Variants in POU6F2 observed in about 807,000 individuals in gnomAD.
The protein encoded by POU6F2 is POU class 6 homeobox 2, also known as POU domain, class 6, transcription factor 2.
Under a neutral mutation model 71.3 loss-of-function variants are expected in POU6F2, and 31 were observed. That is an observed-to-expected ratio of 0.43 (90% CI 0.33 to 0.59). The LOEUF (loss-of-function observed/expected upper bound fraction) is 0.59. Among genes scored for constraint, POU6F2 ranks in the 20% least tolerant of loss-of-function variants. The pLI is 0.04. For synonymous variants in POU6F2, 347 were observed against 355.7 expected (o/e 0.98, Z 0.27); for missense variants, 783 against 856.8 (o/e 0.91, Z 1.07).
chr7:39,079,625 C>T (rs528810020), intron 1 of POU6F2, among the ~76,000 whole-genome samples: 6 of 152,176 alleles, frequency 3.9e-5, no homozygotes, highest in Admixed American at 2.0e-4. Context: ...CACTGTTAAA[C>T]GCAGCATTTA....
At chr7:39,188,395 T>A (rs2128742773) in intron 2 of POU6F2, among the ~76,000 whole-genome samples, 1 of 152,208 alleles carries the variant, frequency 6.6e-6, no homozygotes, top group East Asian at 1.9e-4. Context: ...TCACTACAAC[T>A]TCCGCCTCCT....
intron 4 of POU6F2, among the ~76,000 whole-genome samples, chr7:39,331,656 C>T (rs935154190): frequency 1.5e-4 from 23 of 152,076 alleles, no homozygotes; most frequent in African/African-American, 4.3e-4. Flanking sequence ...TACAGGCACA[C>T]GCCACCACGC....
At chr7:39,005,720 G>C (rs1391532834) in intron 1 of POU6F2, among the ~76,000 whole-genome samples, 1 of 152,044 alleles carries the variant, frequency 6.6e-6, no homozygotes, top group Non-Finnish European at 1.5e-5. Context: ...GTTTGGGTTT[G>C]AGTTTTGAGA....
chr7:39,247,716 A>G (rs1783845978), intron 4 of POU6F2, among the ~76,000 whole-genome samples: 1 of 152,174 alleles, frequency 6.6e-6, no homozygotes, highest in Non-Finnish European at 1.5e-5. Flanking sequence ...CACTTTCATA[A>G]GAGACCATGA....
chr7:39,088,912 C>T (rs941502767), intron 2 of POU6F2, among the ~76,000 whole-genome samples: 17 of 152,152 alleles, frequency 1.1e-4, no homozygotes, highest in Non-Finnish European at 1.6e-4. Context: ...AATACTGATG[C>T]CCTCTATGGA....
chr7:39,259,530 C>T (rs928451353), intron 4 of POU6F2, among the ~76,000 whole-genome samples: 5 of 152,138 alleles, frequency 3.3e-5, no homozygotes, highest in African/African-American at 1.2e-4. Context: ...CAGCCCTGAG[C>T]TCCAGGAGCC....
intron 2 of POU6F2, among the ~76,000 whole-genome samples, chr7:39,095,609 G>C (rs1791439482): frequency 6.6e-6 from 1 of 152,094 alleles, no homozygotes; most frequent in Non-Finnish European, 1.5e-5. Flanking sequence ...GAATTCTTAT[G>C]GATTCTTAGA....
At chr7:39,141,673 C>A (rs1343349610) in intron 2 of POU6F2, among the ~76,000 whole-genome samples, 5 of 152,140 alleles carry the variant, frequency 3.3e-5, no homozygotes, top group Non-Finnish European at 7.4e-5. Flanking sequence ...TTTCTTTTCT[C>A]AGTCTCAAAA....
intron 2 of POU6F2, among the ~76,000 whole-genome samples, chr7:39,138,002 A>C (rs192559142): frequency 6.6e-6 from 1 of 152,218 alleles, no homozygotes; most frequent in East Asian, 1.9e-4. Flanking sequence ...CATGTGTATT[A>C]CAGGAATTGG....
At chr7:39,437,126 C>T (rs889639494) in intron 7 of POU6F2, among the ~76,000 whole-genome samples, 1 of 152,150 alleles carries the variant, frequency 6.6e-6, no homozygotes, top group Non-Finnish European at 1.5e-5. Flanking sequence ...CAGGATGGTG[C>T]TGGCTTCATA....
At chr7:39,389,942 T>A (rs974771622) in intron 5 of POU6F2, among the ~76,000 whole-genome samples, 2 of 152,106 alleles carry the variant, frequency 1.3e-5, no homozygotes, top group Non-Finnish European at 2.9e-5. Flanking sequence ...CACTTTATAG[T>A]TTTTCCCTCT....
At chr7:39,401,512 T>A (rs919457309) in intron 5 of POU6F2, among the ~76,000 whole-genome samples, 3 of 152,184 alleles carry the variant, frequency 2.0e-5, no homozygotes, top group Non-Finnish European at 4.4e-5. Flanking sequence ...TGTCTACTGA[T>A]AATTTCTTGA....
intron 5 of POU6F2, among the ~76,000 whole-genome samples, chr7:39,377,541 A>T (rs1786734998): frequency 6.6e-6 from 1 of 152,228 alleles, no homozygotes; most frequent in Non-Finnish European, 1.5e-5. Flanking sequence ...CCACATCTCC[A>T]AGATTTGCCA....
intron 4 of POU6F2, among the ~76,000 whole-genome samples, chr7:39,209,412 A>G (rs1031723717): frequency 6.6e-6 from 1 of 152,234 alleles, no homozygotes. Flanking sequence ...CTTGTCTGCT[A>G]CACAAGCACA....
intron 4 of POU6F2, among the ~76,000 whole-genome samples, chr7:39,248,893 T>C (rs1158976819): frequency 1.3e-5 from 2 of 152,134 alleles, no homozygotes; most frequent in African/African-American, 2.4e-5. Context: ...TCAGAAACAA[T>C]AGCATTTCTC....
Position 39,032,656 on chromosome 7 carries a change from G to A in POU6F2, c.106-53204G>A, listed in dbSNP as rs1345016356. Among the ~76,000 whole-genome samples, 8 of 152,332 alleles carry A rather than the reference G, an allele frequency of 5.3e-5. No individual in the cohort carries two copies. The East Asian group carries it at 1.5e-3, about 29-fold the overall frequency. ...TAGAGAGAAATGCAGATTTCAGCCT[G>A]CCATGCTGAGAATTTGCTTTGTTTG... is the stretch of plus-strand genomic sequence containing the variant. On this transcript the variant is annotated intron_variant, in intron 1 of 9. Transcript: ENST00000518318.
At chr7:38,998,653 C>CA (rs1788808118) in intron 1 of POU6F2, among the ~76,000 whole-genome samples, 2 of 133,402 alleles carry the variant, frequency 1.5e-5, no homozygotes, top group African/African-American at 5.5e-5. Flanking sequence ...GTGTTAATCA[C>CA]ATTTTTTTTT....
intron 7 of POU6F2, among the ~76,000 whole-genome samples, chr7:39,449,798 G>A (rs536761009): frequency 6.6e-6 from 1 of 152,028 alleles, no homozygotes; most frequent in African/African-American, 2.4e-5. Context: ...AACTACCAAG[G>A]CATGCAACAA....
intron 4 of POU6F2, among the ~76,000 whole-genome samples, chr7:39,259,968 CACAT>C (rs952163466): frequency 6.6e-6 from 1 of 150,638 alleles, no homozygotes; most frequent in African/African-American, 2.5e-5. Flanking sequence ...ACCACACACA[CACAT>C]ACACACACAC....
Sources: gnomAD v4.1 joint callset for allele counts (sites outside exome capture counted in the v4.1 genomes callset) on GRCh38, gnomAD v4.1.1 for gene constraint, MANE v1.5 for transcripts, NCBI Gene and HGNC (gene_info 2026-07-23, HGNC 2026-07-21) for gene names.